The following DENND1B variants were observed in gnomAD, a reference collection of about 807,000 sequenced individuals.
The protein encoded by DENND1B is DENN domain-containing protein 1B.
In DENND1B, 59 loss-of-function variants were observed where a neutral mutation model predicts 90.1. The observed-to-expected ratio is 0.65, with a 90% confidence interval of 0.53 to 0.81. The LOEUF (loss-of-function observed/expected upper bound fraction) is 0.81, where lower values mean the gene tolerates loss of function less well. DENND1B is among the 40% of genes least tolerant of loss of function. DENND1B has a pLI of 0.00. For synonymous variants in DENND1B, 337 were observed against 324.6 expected, an observed-to-expected ratio of 1.04 and a Z score of -0.41; for missense variants, 862 against 912.6, an observed-to-expected ratio of 0.94 and a Z score of 0.71.
At position 197,600,982 on chromosome 1, in the gene DENND1B, A is replaced by G. The variant is rs540163100; in HGVS notation, c.922-5649T>C. ...GCCTTGCTGCACCACAGAGACACAC[A>G]TGGTTTTTTTCCCGTGCCACTGAGC... On this transcript the variant is annotated intron_variant, in intron 13 of 22. Coordinates refer to ENST00000620048, the MANE Select transcript of DENND1B (RefSeq NM_001195215.2). Among the ~76,000 whole-genome samples, 21 of 151,526 alleles carry G rather than the reference A, an allele frequency of 1.4e-4. No individual in the cohort carries two copies. In the South Asian group the frequency reaches 4.4e-3, roughly 32 times the overall value.
intron 2 of DENND1B, among the ~76,000 whole-genome samples, chr1:197,740,263 G>A (rs1307486883): frequency 6.6e-6 from 1 of 152,178 alleles, no homozygotes; most frequent in Non-Finnish European, 1.5e-5. Flanking sequence ...TCCAGGGATA[G>A]CAAGAAGCCA....
intron 5 of DENND1B, among the ~76,000 whole-genome samples, chr1:197,669,104 C>A (rs866710513): frequency 1.3e-5 from 2 of 152,050 alleles, no homozygotes; most frequent in Admixed American, 6.6e-5. Flanking sequence ...TGGCTATTAA[C>A]CCTTTCTTAT....
At chr1:197,585,136 G>A (rs958003166) in intron 14 of DENND1B, among the ~76,000 whole-genome samples, 2 of 152,052 alleles carry the variant, frequency 1.3e-5, no homozygotes, top group South Asian at 4.1e-4. Context: ...TAAAAATAAA[G>A]GTCTATTGTT....
chr1:197,628,035 C>G (rs1269720529), intron 10 of DENND1B, among the ~76,000 whole-genome samples: 6 of 152,116 alleles, frequency 3.9e-5, no homozygotes, highest in Non-Finnish European at 8.8e-5. Flanking sequence ...AGGATACAAA[C>G]AAATGGAAGA....
intron 6 of DENND1B, 54 bp downstream of exon 6, chr1:197,658,246 T>C (rs1225449582): frequency 7.2e-7 from 1 of 1,395,330 alleles, no homozygotes; most frequent in Non-Finnish European, 1.0e-6. Flanking sequence ...AAATGGTAAG[T>C]TTTGTGTTAT....
At chr1:197,543,948 T>C (rs1670527755) in intron 18 of DENND1B, among the ~76,000 whole-genome samples, 1 of 152,154 alleles carries the variant, frequency 6.6e-6, no homozygotes, top group African/African-American at 2.4e-5. Flanking sequence ...GAGAAAAGCT[T>C]TTGAAGACAA....
At chr1:197,720,457 T>C (rs558833461) in intron 2 of DENND1B, among the ~76,000 whole-genome samples, 83 of 152,034 alleles carry the variant, frequency 5.5e-4, no homozygotes, top group South Asian at 1.0e-3. Flanking sequence ...CCCAGGCTGG[T>C]CTTGAACTCG....
rs1253737382 is a variant in DENND1B, at chr1:197,659,376, TAAA to T, written c.297-1010_297-1008del. Among the ~76,000 whole-genome samples, 5 of 151,988 alleles carry T rather than the reference TAAA, an allele frequency of 3.3e-5. No homozygotes were observed. In the East Asian group the frequency reaches 7.7e-4, roughly 24 times the overall value. ...TTGAATCAGAAACTGAAAGTAGTAA[TAAA>T]AGAGGAATTTAGGTAAACTACAGTA... is the stretch of plus-strand genomic sequence containing the variant. On this transcript the variant is annotated intron_variant, in intron 5 of 22. Transcript: ENST00000620048.
chr1:197,612,415 A>C (rs1677264914), intron 11 of DENND1B, among the ~76,000 whole-genome samples: 1 of 150,476 alleles, frequency 6.6e-6, no homozygotes, highest in Non-Finnish European at 1.5e-5. Context: ...TGATATTCTT[A>C]ATATATATAT....
chr1:197,590,840 T>A (rs1036974429), intron 14 of DENND1B, among the ~76,000 whole-genome samples: 7 of 152,148 alleles, frequency 4.6e-5, no homozygotes, highest in African/African-American at 1.7e-4. Flanking sequence ...TTCCTCTTCT[T>A]CAATAAGACC....
intron 3 of DENND1B, among the ~76,000 whole-genome samples, chr1:197,700,987 A>T (rs544514409): frequency 3.5e-4 from 54 of 152,352 alleles, no homozygotes; most frequent in African/African-American, 1.2e-3. Context: ...GTGGGAATGT[A>T]AATTAGTTCA....
chr1:197,740,194 A>G (rs1663084431), intron 2 of DENND1B, among the ~76,000 whole-genome samples: 1 of 152,208 alleles, frequency 6.6e-6, no homozygotes, highest in African/African-American at 2.4e-5. Flanking sequence ...ATATCTTGGG[A>G]AAGTGTATTA....
intron 15 of DENND1B, among the ~76,000 whole-genome samples, chr1:197,564,597 A>G (rs571248461): frequency 3.7e-4 from 56 of 152,054 alleles, no homozygotes; most frequent in African/African-American, 1.3e-3. Context: ...AATTCACTTT[A>G]TTGCAATATT....
chr1:197,625,046 G>A (rs1023500700), intron 10 of DENND1B, among the ~76,000 whole-genome samples: 2 of 152,004 alleles, frequency 1.3e-5, no homozygotes, highest in Non-Finnish European at 2.9e-5. Context: ...TCTGATTGGT[G>A]TACCTGGAAG....
At chr1:197,607,993 G>A (rs1676845342) in intron 12 of DENND1B, among the ~76,000 whole-genome samples, 1 of 150,364 alleles carries the variant, frequency 6.7e-6, no homozygotes, top group African/African-American at 2.4e-5. Context: ...CTTAATAAGT[G>A]CTCATTAATT....
At chr1:197,643,503 T>G (rs1343687773) in intron 9 of DENND1B, among the ~76,000 whole-genome samples, 1 of 152,128 alleles carries the variant, frequency 6.6e-6, no homozygotes, top group Non-Finnish European at 1.5e-5. Context: ...TTATATACAC[T>G]GATCCTTCAG....
At chr1:197,516,181 T>A (rs1319806508) in intron 20 of DENND1B, among the ~76,000 whole-genome samples, 2 of 151,862 alleles carry the variant, frequency 1.3e-5, no homozygotes, top group Non-Finnish European at 2.9e-5. Context: ...AACTGATTAA[T>A]ATGTTGTTTT....
intron 15 of DENND1B, among the ~76,000 whole-genome samples, chr1:197,577,362 C>G (rs1219077830): frequency 6.6e-6 from 1 of 152,124 alleles, no homozygotes; most frequent in Non-Finnish European, 1.5e-5. Context: ...ATGTGCTTAT[C>G]AGTGAGCTCA....
At chr1:197,754,194 T>C (rs192415437) in intron 2 of DENND1B, among the ~76,000 whole-genome samples, 1 of 152,168 alleles carries the variant, frequency 6.6e-6, no homozygotes, top group East Asian at 1.9e-4. Context: ...TAATACCCAG[T>C]ATTGTGGAGA....
Sources: allele counts gnomAD v4.1 joint callset (sites outside exome capture counted in the v4.1 genomes callset), GRCh38; gene constraint gnomAD v4.1.1; transcripts MANE v1.5; gene names NCBI Gene and HGNC (gene_info 2026-07-23, HGNC 2026-07-21).